COL15A1: variants seen among roughly 807,000 people sequenced by gnomAD.
COL15A1 encodes the protein collagen alpha-1(XV) chain.
COL15A1 carries 111 observed loss-of-function variants against 165.9 expected under a neutral mutation model. That is an observed-to-expected ratio of 0.67 (90% CI 0.57 to 0.78). COL15A1 has a LOEUF of 0.78. Among genes scored for constraint, COL15A1 ranks in the 30% least tolerant of loss-of-function variants. The pLI is 0.00. For synonymous variants in COL15A1, 659 were observed against 674.8 expected (o/e 0.98, Z 0.36); for missense variants, 1,745 against 1,789.7 (o/e 0.98, Z 0.45).
intron 2 of COL15A1, among the ~76,000 whole-genome samples, chr9:98,946,533 A>C (rs1269352098): frequency 6.6e-6 from 1 of 152,174 alleles, no homozygotes; most frequent in Admixed American, 6.5e-5. Flanking sequence ...CTGAGAAGTA[A>C]ATTGGGCTCT....
intron 2 of COL15A1, among the ~76,000 whole-genome samples, chr9:98,970,970 G>A (rs767620960): frequency 6.6e-6 from 1 of 152,212 alleles, no homozygotes; most frequent in Non-Finnish European, 1.5e-5. Context: ...GTGTGTATGA[G>A]AGAGTGGTAA....
chr9:98,957,606 C>G (rs1837798111), intron 2 of COL15A1, among the ~76,000 whole-genome samples: 1 of 152,188 alleles, frequency 6.6e-6, no homozygotes, highest in Admixed American at 6.5e-5. Context: ...CCAACAGAGT[C>G]TCCAGAGTAG....
chr9:99,015,392 G>A, intron 9 of COL15A1, 25 bp from the exon 10 acceptor site: 1 of 1,583,138 alleles, frequency 6.3e-7, no homozygotes, highest in Non-Finnish European at 8.7e-7. Flanking sequence ...AAGGGGCACA[G>A]CTCCTCATGC....
chr9:99,016,973 CG>C (rs1309095389), intron 11 of COL15A1, among the ~76,000 whole-genome samples: 2 of 152,242 alleles, frequency 1.3e-5, no homozygotes, highest in Non-Finnish European at 2.9e-5. Context: ...CCCCTTGCTC[CG>C]GGGCCTCCTA....
chr9:99,029,092 C>G (rs1428889119), intron 16 of COL15A1, among the ~76,000 whole-genome samples: 2 of 152,206 alleles, frequency 1.3e-5, no homozygotes, highest in Non-Finnish European at 2.9e-5. Context: ...AAAATCATTC[C>G]TTTCTGCTTT....
intron 23 of COL15A1, chr9:99,040,891 G>A (rs981492658): frequency 7.7e-5 from 20 of 260,052 alleles, no homozygotes; most frequent in African/African-American, 3.5e-4. Context: ...CTAACTAGAC[G>A]TTAAAAAACA....
At chr9:98,977,621 A>G (rs1235756507) in intron 2 of COL15A1, among the ~76,000 whole-genome samples, 3 of 152,072 alleles carry the variant, frequency 2.0e-5, no homozygotes, top group Admixed American at 6.5e-5. Flanking sequence ...GGCTTGCTCT[A>G]CATTCATGGC....
chr9:98,983,577 A>G (rs1234383800), intron 2 of COL15A1, among the ~76,000 whole-genome samples: 4 of 152,186 alleles, frequency 2.6e-5, no homozygotes, highest in Non-Finnish European at 5.9e-5. Flanking sequence ...CCACATTGTT[A>G]TTATTCTTTA....
In COL15A1 at chr9:99,003,299, T is replaced by G. The variant is rs573087451; in HGVS notation, c.1066-154T>G. 8.9e-4 allele frequency among the ~76,000 whole-genome samples: 136 copies of G among 152,376 alleles called. 2 individuals carry two copies. Among genetic ancestry groups the G allele is most frequent in the Non-Finnish European group, 1.0e-3 (68 of 68,034 alleles). On this transcript the variant is annotated intron_variant, in intron 7 of 41. Transcript: ENST00000375001. ...GTGCCTGGGCAGTCTTTCCCATCCC[T>G]GGATTTATGAAACCATAGATGTGAA... is the stretch of plus-strand genomic sequence containing the variant.
intron 23 of COL15A1, 112 bp downstream of exon 23, chr9:99,040,668 T>C (rs1839386285): frequency 6.3e-7 from 1 of 1,576,666 alleles, no homozygotes; most frequent in Non-Finnish European, 8.7e-7. Flanking sequence ...TCCAGGGGCA[T>C]CTTGTTCATT....
intron 39 of COL15A1, among the ~76,000 whole-genome samples, chr9:99,063,834 G>T (rs879569178): frequency 6.6e-6 from 1 of 152,098 alleles, no homozygotes; most frequent in South Asian, 2.1e-4. Context: ...TGAATATGGC[G>T]CATTAAAGAT....
At chr9:99,063,951 C>T (rs1825856525) in intron 39 of COL15A1, among the ~76,000 whole-genome samples, 1 of 152,038 alleles carries the variant, frequency 6.6e-6, no homozygotes, top group Non-Finnish European at 1.5e-5. Flanking sequence ...CTCTCTATTC[C>T]TTTGCTAGCT....
chr9:98,958,056 C>T (rs892876761), intron 2 of COL15A1, among the ~76,000 whole-genome samples: 1 of 152,194 alleles, frequency 6.6e-6, no homozygotes, highest in Non-Finnish European at 1.5e-5. Flanking sequence ...ACGTTCAGGT[C>T]GCCACCAGCC....
chr9:99,059,496 G>C (rs1384946126), intron 35 of COL15A1, among the ~76,000 whole-genome samples: 1 of 152,194 alleles, frequency 6.6e-6, no homozygotes, highest in Non-Finnish European at 1.5e-5. Flanking sequence ...CTCTTTCTGA[G>C]CCTGCTTCCT....
At chr9:98,949,164 T>A (rs550494320) in intron 2 of COL15A1, among the ~76,000 whole-genome samples, 1 of 152,242 alleles carries the variant, frequency 6.6e-6, no homozygotes, top group Non-Finnish European at 1.5e-5. Flanking sequence ...CTTTCATGTC[T>A]GATTCTTTCA....
At chr9:98,946,576 C>T (rs1461486603) in intron 2 of COL15A1, among the ~76,000 whole-genome samples, 2 of 152,156 alleles carry the variant, frequency 1.3e-5, no homozygotes, top group East Asian at 3.8e-4. Context: ...TCCTCAAGGC[C>T]GCATGACTGT....
At chr9:99,066,071 A>G (rs746640680) in intron 39 of COL15A1, among the ~76,000 whole-genome samples, 1 of 152,100 alleles carries the variant, frequency 6.6e-6, no homozygotes, top group Non-Finnish European at 1.5e-5. Flanking sequence ...GTCCTGCACC[A>G]GCCTCTCAGC....
intron 2 of COL15A1, among the ~76,000 whole-genome samples, chr9:98,983,830 C>G (rs2118879255): frequency 6.6e-6 from 1 of 152,338 alleles, no homozygotes. Flanking sequence ...GGAAGACACT[C>G]AGACTTGGAG....
chr9:99,036,243 T>C, intron 20 of COL15A1, 38 bp downstream of exon 20: 1 of 1,613,744 alleles, frequency 6.2e-7, no homozygotes. Flanking sequence ...GGGAGGGCTT[T>C]CCAGCCTGGT....
Sources: gnomAD v4.1 joint callset for allele counts (sites outside exome capture counted in the v4.1 genomes callset) on GRCh38, gnomAD v4.1.1 for gene constraint, MANE v1.5 for transcripts, NCBI Gene and HGNC (gene_info 2026-07-23, HGNC 2026-07-21) for gene names.